ING5: variants seen among roughly 807,000 people sequenced by gnomAD.
The protein encoded by ING5 is inhibitor of growth family member 5.
A neutral mutation model predicts 37.4 loss-of-function variants in ING5; 17 were observed. The ratio of observed to expected loss-of-function variants is 0.45; its 90% CI spans 0.31 to 0.68. The LOEUF (loss-of-function observed/expected upper bound fraction) is 0.68. ING5 is among the 30% of genes least tolerant of loss of function. The pLI, the probability that ING5 is intolerant of heterozygous loss-of-function variation, is 0.05. For synonymous variants in ING5, 123 were observed against 116.6 expected (o/e 1.06, Z -0.36); for missense variants, 233 against 311.9 (o/e 0.75, Z 1.91).
At chr2:241,718,413 TTCTG>T (rs1395378884) in intron 5 of ING5, among the ~76,000 whole-genome samples, 5 of 139,384 alleles carry the variant, frequency 3.6e-5, no homozygotes, top group African/African-American at 1.0e-4. Flanking sequence ...TCTTTTCTCT[TTCTG>T]TCTTTTTTTT....
Position 241,711,994 on chromosome 2 carries a change from A to G in ING5, c.405A>G (p.Lys135=). The change falls in exon 5 of 8, where the codon AAA becomes AAG. Residue 135 remains lysine (K), a synonymous_variant. Transcript: ENST00000313552. The part of the protein sequence containing the change: ...GRGLKKGRGQ[K]EKRGSRGRGR... The stretch of plus-strand genomic sequence containing the variant: ...ATTTTTCAGAAGGCCGGGGTCAGAA[A>G]GAAAAAAGAGGGTCCCGGGGCCGAG... The G allele has an allele frequency of 6.2e-7, 1 of 1,608,328 alleles. No individual in the cohort carries two copies. Among genetic ancestry groups the G allele is most frequent in the Non-Finnish European group, 8.5e-7 (1 of 1,177,980 alleles).
At chr2:241,710,656 G>A (rs528610309) in intron 3 of ING5, among the ~76,000 whole-genome samples, 1 of 152,200 alleles carries the variant, frequency 6.6e-6, no homozygotes, top group East Asian at 1.9e-4. Context: ...GGCTAATTTT[G>A]TATTTTTGGT....
In ING5 at chr2:241,704,696, G is replaced by A; in HGVS notation, c.81G>A (p.Leu27=). ...LPCELQRNFQ[L]MRELDQRTED... is the part of the protein sequence containing the mutation. ...GCGAACTTCAGAGGAACTTCCAGCT[G>A]ATGCGAGAGCTGGACCAGAGGACGG... The change falls in exon 2 of 8, where the codon CTG becomes CTA. Residue 27 remains leucine, a synonymous_variant. Transcript: ENST00000313552. The A allele has an allele frequency of 6.2e-7, 1 of 1,614,122 alleles. No individual in the cohort carries two copies. Among genetic ancestry groups the A allele is most frequent in the Admixed American group, 1.7e-5 (1 of 60,016 alleles).
At chr2:241,722,045 A>G in intron 5 of ING5, 1 of 985,050 alleles carries the variant, frequency 1.0e-6, no homozygotes, top group Non-Finnish European at 1.2e-6. Context: ...CGGTCCAGGG[A>G]GTGTGTGGGG....
At chr2:241,702,839 G>T (rs1005930710) in intron 1 of ING5, among the ~76,000 whole-genome samples, 5 of 152,254 alleles carry the variant, frequency 3.3e-5, no homozygotes, top group Admixed American at 3.3e-4. Context: ...GACCCCACGC[G>T]GGACCCCTGA....
chr2:241,719,469 G>T (rs1559311775), intron 5 of ING5: 2 of 1,302,504 alleles, frequency 1.5e-6, no homozygotes, highest in Admixed American at 3.9e-5. Flanking sequence ...TGGGTTTTGT[G>T]TTTTCTAACT....
intron 7 of ING5, 50 bp downstream of exon 7, chr2:241,723,321 C>G (rs184949351): frequency 6.4e-7 from 1 of 1,570,832 alleles, no homozygotes; most frequent in South Asian, 1.1e-5. Context: ...CTGGGTGTTG[C>G]GCTGCTGGCC....
chr2:241,706,640 A>G (rs1048817366), intron 2 of ING5, among the ~76,000 whole-genome samples: 14 of 151,758 alleles, frequency 9.2e-5, no homozygotes, highest in African/African-American at 2.9e-4. Context: ...AAAAAAAAAA[A>G]AAAGAAAAAA....
intron 5 of ING5, chr2:241,721,946 G>A (rs34030391): frequency 0.4 from 396,564 of 985,710 alleles, 80,724 homozygotes; most frequent in South Asian, 0.49. Context: ...AGAAACCCAC[G>A]TGGGAGCTGA....
chr2:241,721,631 C>T (rs1258763413), intron 5 of ING5: 13 of 985,306 alleles, frequency 1.3e-5, no homozygotes, highest in African/African-American at 1.7e-5. Context: ...CTCACGGCCA[C>T]GTTCCTCCTG....
chr2:241,699,149 C>T (rs566347436), upstream of ING5, among the ~76,000 whole-genome samples: 17 of 152,030 alleles, frequency 1.1e-4, no homozygotes, highest in Non-Finnish European at 2.2e-4. Flanking sequence ...CTCAGGCTCC[C>T]GAGCAGCTGA....
At chr2:241,703,187 G>A (rs1031741109) in intron 1 of ING5, among the ~76,000 whole-genome samples, 6 of 152,234 alleles carry the variant, frequency 3.9e-5, no homozygotes, top group African/African-American at 1.4e-4. Context: ...AAGGAGGGTT[G>A]ACTTTGTGTG....
intron 1 of ING5, among the ~76,000 whole-genome samples, chr2:241,703,898 G>A (rs867224907): frequency 1.3e-5 from 2 of 152,098 alleles, no homozygotes; most frequent in African/African-American, 2.4e-5. Flanking sequence ...GAGCCACCAC[G>A]CCCATCCGAG....
intron 5 of ING5, among the ~76,000 whole-genome samples, chr2:241,716,962 G>A (rs1559310238): frequency 6.6e-6 from 1 of 152,094 alleles, no homozygotes; most frequent in Non-Finnish European, 1.5e-5. Flanking sequence ...ACAACATGGT[G>A]ACTACAGTTA....
At chr2:241,687,051 G>A, upstream of ING5, 2 of 426,458 alleles carry the variant, frequency 4.7e-6, no homozygotes, top group South Asian at 1.9e-4. Context: ...CCTCGGGCGA[G>A]CAGGGCCCTT....
At chr2:241,714,694 C>G (rs193230159) in intron 5 of ING5, among the ~76,000 whole-genome samples, 13 of 151,974 alleles carry the variant, frequency 8.6e-5, no homozygotes, top group Admixed American at 7.9e-4. Flanking sequence ...ACCTCCCTGT[C>G]CCCAGGCTCA....
At chr2:241,723,783 T>A (rs1015673612) in intron 7 of ING5, 3 of 1,598,098 alleles carry the variant, frequency 1.9e-6, no homozygotes, top group African/African-American at 1.3e-5. Flanking sequence ...TGCATTGTTG[T>A]TCCTCAGATT....
chr2:241,710,045 C>T lies in ING5; in HGVS notation c.276+663C>T, dbSNP rs552387665. Among the ~76,000 whole-genome samples, 5 of 151,830 alleles carry T rather than the reference C, an allele frequency of 3.3e-5. No homozygotes were observed. The East Asian group carries it at 7.8e-4, about 24-fold the overall frequency. ...GCAACCTCCACCTCCTGGGTTTAAG[C>T]GATTCTCCTGCCTCAGTCTCCCGAG... On this transcript the variant is annotated intron_variant, in intron 3 of 7. Transcript: ENST00000313552.
At chr2:241,712,120 T>C (rs1318118894) in intron 5 of ING5, 49 bp downstream of exon 5, 2 of 1,399,624 alleles carry the variant, frequency 1.4e-6, no homozygotes, top group Non-Finnish European at 2.0e-6. Flanking sequence ...ACCCATAGCC[T>C]GTATCCCGGA....
Sources: allele counts gnomAD v4.1 joint callset (sites outside exome capture counted in the v4.1 genomes callset), GRCh38; gene constraint gnomAD v4.1.1; transcripts MANE v1.5; gene names NCBI Gene and HGNC (gene_info 2026-07-23, HGNC 2026-07-21).